NREP: variants seen among roughly 807,000 people sequenced by gnomAD.
The protein encoded by NREP is neuronal regeneration-related protein.
Under a neutral mutation model 8.6 loss-of-function variants are expected in NREP, and 5 were observed. The observed-to-expected ratio is 0.58, with a 90% CI of 0.30 to 1.22. The LOEUF is 1.22. NREP is among the 50% of genes most tolerant of loss of function. The probability of loss-of-function intolerance (pLI) is 0.07; values close to 1 mark genes in which losing one functional copy is unlikely to be tolerated. For synonymous variants in NREP, 27 were observed against 28.0 expected, an observed-to-expected ratio of 0.96 and a Z score of 0.11; for missense variants, 86 against 82.5, an observed-to-expected ratio of 1.04 and a Z score of -0.17.
intron 2 of NREP, among the ~76,000 whole-genome samples, chr5:111,896,521 T>C (rs1462733638): frequency 6.6e-6 from 1 of 152,090 alleles, no homozygotes; most frequent in Non-Finnish European, 1.5e-5. Flanking sequence ...GTATACACCA[T>C]ATAAAAACGA....
chr5:111,906,632 A>G (rs1053670432), intron 2 of NREP, among the ~76,000 whole-genome samples: 34 of 152,094 alleles, frequency 2.2e-4, no homozygotes, highest in African/African-American at 7.7e-4. Context: ...TGCTCACTCT[A>G]CGGGGCTCCC....
chr5:111,886,733 A>T (rs1361529857), intron 2 of NREP, among the ~76,000 whole-genome samples: 5 of 151,138 alleles, frequency 3.3e-5, no homozygotes, highest in Non-Finnish European at 7.4e-5. Context: ...CAAAAAACCA[A>T]ACACCGCATA....
At chr5:111,975,188 C>G in intron 2 of NREP, 1 of 878,884 alleles carries the variant, frequency 1.1e-6, no homozygotes, top group Non-Finnish European at 1.8e-6. Flanking sequence ...TGCACCAGTT[C>G]AGGAATCACT....
intron 2 of NREP, among the ~76,000 whole-genome samples, chr5:111,861,685 C>G (rs1269200508): frequency 2.0e-5 from 3 of 152,126 alleles, no homozygotes; most frequent in African/African-American, 4.8e-5. Flanking sequence ...ATCTTAGACT[C>G]TAGTCTGAAA....
intron 2 of NREP, among the ~76,000 whole-genome samples, chr5:111,942,273 T>C (rs1446166238): frequency 2.0e-5 from 3 of 152,042 alleles, no homozygotes; most frequent in Admixed American, 2.0e-4. Flanking sequence ...CAAATAACAC[T>C]AAAATAAAAA....
At chr5:111,832,796 C>T (rs1010032017) in intron 2 of NREP, among the ~76,000 whole-genome samples, 10 of 152,212 alleles carry the variant, frequency 6.6e-5, no homozygotes, top group African/African-American at 2.4e-4. Flanking sequence ...CTCCCATTCC[C>T]ATAGCCAATA....
intron 1 of NREP, 155 bp from the exon 2 acceptor site, chr5:111,755,985 C>G: frequency 7.0e-7 from 1 of 1,426,692 alleles, no homozygotes; most frequent in South Asian, 1.5e-5. Context: ...TCTGAAAGAG[C>G]TTTCCAAGTG....
intron 2 of NREP, among the ~76,000 whole-genome samples, chr5:111,766,547 T>C (rs749110738): frequency 2.6e-5 from 4 of 152,208 alleles, no homozygotes; most frequent in Non-Finnish European, 5.9e-5. Flanking sequence ...TTATTCCCTC[T>C]TATCCACCTT....
intron 2 of NREP, among the ~76,000 whole-genome samples, chr5:111,859,962 G>C (rs528375070): frequency 6.6e-6 from 1 of 152,078 alleles, no homozygotes; most frequent in Admixed American, 6.6e-5. Flanking sequence ...TCAGACTTCA[G>C]GTCTGTGGGC....
At chr5:111,809,870 C>CGTGTGTGTGT (rs3223253) in intron 2 of NREP, among the ~76,000 whole-genome samples, 1 of 144,114 alleles carries the variant, frequency 6.9e-6, no homozygotes, top group South Asian at 2.2e-4. Flanking sequence ...GGGACTTTGG[C>CGTGTGTGTGT]GTGTGTGTGT....
intron 2 of NREP, among the ~76,000 whole-genome samples, chr5:111,813,603 A>T (rs2112916582): frequency 6.6e-6 from 1 of 152,274 alleles, no homozygotes; most frequent in East Asian, 1.9e-4. Context: ...TTTATAAAAA[A>T]TATTGTCCAA....
chr5:111,815,821 C>T (rs986196370), intron 2 of NREP, among the ~76,000 whole-genome samples: 1 of 152,024 alleles, frequency 6.6e-6, no homozygotes, highest in African/African-American at 2.4e-5. Flanking sequence ...TCCAAGAAAC[C>T]CCATGTAAGA....
At chr5:111,934,166 C>A (rs1218872792) in intron 2 of NREP, among the ~76,000 whole-genome samples, 2 of 152,028 alleles carry the variant, frequency 1.3e-5, no homozygotes, top group Non-Finnish European at 2.9e-5. Flanking sequence ...CCATCATGGG[C>A]AGACCTAGGT....
At chr5:111,731,430 TAA>T (rs11376552) in intron 3 of NREP, among the ~76,000 whole-genome samples, 6 of 141,484 alleles carry the variant, frequency 4.2e-5, no homozygotes, top group Non-Finnish European at 7.6e-5. Context: ...TTGATAATTA[TAA>T]AAAAAAAAAA....
At chr5:111,822,617 T>C (rs1167826586) in intron 2 of NREP, among the ~76,000 whole-genome samples, 1 of 152,214 alleles carries the variant, frequency 6.6e-6, no homozygotes, top group East Asian at 1.9e-4. Context: ...CCAAAGTGAA[T>C]ACGCTCTAGG....
chr5:111,833,284 C>T (rs1752817656), intron 2 of NREP, among the ~76,000 whole-genome samples: 1 of 152,110 alleles, frequency 6.6e-6, no homozygotes, highest in Non-Finnish European at 1.5e-5. Context: ...ACAGTTTATC[C>T]TACAATGGCA....
At chr5:111,925,531 C>T (rs1206452125) in intron 2 of NREP, among the ~76,000 whole-genome samples, 2 of 152,192 alleles carry the variant, frequency 1.3e-5, no homozygotes, top group Non-Finnish European at 2.9e-5. Context: ...TGAGGAGGTT[C>T]TCCAGAATAC....
intron 2 of NREP, among the ~76,000 whole-genome samples, chr5:111,770,761 G>T (rs147822792): frequency 6.6e-6 from 1 of 151,300 alleles, no homozygotes; most frequent in Admixed American, 6.6e-5. Context: ...GTAGAGACAG[G>T]GTCTCACCGT....
chr5:111,769,406 T>TAAC (rs1353382461), intron 2 of NREP, among the ~76,000 whole-genome samples: 1 of 152,064 alleles, frequency 6.6e-6, no homozygotes, highest in African/African-American at 2.4e-5. Context: ...TAAAGAAAAT[T>TAAC]AACAACAACA....
Sources: allele counts gnomAD v4.1 joint callset (sites outside exome capture counted in the v4.1 genomes callset), GRCh38; gene constraint gnomAD v4.1.1; transcripts MANE v1.5; gene names NCBI Gene and HGNC (gene_info 2026-07-23, HGNC 2026-07-21).